SVEP1: variants seen among roughly 807,000 people sequenced by gnomAD.
SVEP1 encodes the protein sushi, von Willebrand factor type A, EGF and pentraxin domain containing 1, also known as sushi, von Willebrand factor type A, EGF and pentraxin domain-containing protein 1.
A neutral mutation model predicts 367.3 loss-of-function variants in SVEP1; 164 were observed. That is an observed-to-expected ratio of 0.45 (90% CI 0.39 to 0.51). The LOEUF is 0.51. Among genes scored for constraint, SVEP1 ranks in the 20% least tolerant of loss-of-function variants. SVEP1 has a pLI of 0.00. For missense variants in SVEP1, 4,117 were observed against 4,425.3 expected, an observed-to-expected ratio of 0.93 and a Z score of 1.98; for synonymous variants, 1,666 against 1,611.6, an observed-to-expected ratio of 1.03 and a Z score of -0.81.
At chr9:110,441,483 T>C (rs1471580631) in intron 27 of SVEP1, among the ~76,000 whole-genome samples, 1 of 152,254 alleles carries the variant, frequency 6.6e-6, no homozygotes, top group Non-Finnish European at 1.5e-5. Context: ...TCTACAGCTC[T>C]GTCCTTTGGG....
At chr9:110,543,534 A>G (rs1830179629) in intron 3 of SVEP1, among the ~76,000 whole-genome samples, 1 of 152,146 alleles carries the variant, frequency 6.6e-6, no homozygotes, top group South Asian at 2.1e-4. Flanking sequence ...AGACAAGGCT[A>G]CTTGGGTAAC....
intron 1 of SVEP1, among the ~76,000 whole-genome samples, chr9:110,578,640 G>A (rs370062249): frequency 4.6e-5 from 7 of 152,240 alleles, no homozygotes; most frequent in South Asian, 2.1e-4. Flanking sequence ...TTGGGGTTAG[G>A]TTTATATCAC....
intron 40 of SVEP1, among the ~76,000 whole-genome samples, 180 bp downstream of exon 40, chr9:110,400,674 C>A (rs1827844533): frequency 6.6e-6 from 1 of 152,118 alleles, no homozygotes; most frequent in Non-Finnish European, 1.5e-5. Context: ...GTTTATTTTA[C>A]TTTTTAAAAC....
chr9:110,484,307 C>T (rs945372689), intron 9 of SVEP1, among the ~76,000 whole-genome samples: 6 of 151,870 alleles, frequency 4.0e-5, no homozygotes, highest in Non-Finnish European at 5.9e-5. Flanking sequence ...AGTGGGAACC[C>T]GCAAGTGAGG....
intron 1 of SVEP1, among the ~76,000 whole-genome samples, chr9:110,574,323 A>G (rs1830600859): frequency 3.3e-5 from 5 of 152,226 alleles, no homozygotes; most frequent in Admixed American, 2.6e-4. Context: ...TCAAACAGAA[A>G]AGGTTTGAAA....
intron 16 of SVEP1, among the ~76,000 whole-genome samples, chr9:110,470,086 A>G (rs1211956632): frequency 6.6e-6 from 1 of 152,154 alleles, no homozygotes; most frequent in Non-Finnish European, 1.5e-5. Context: ...ACACAGTTCC[A>G]TTACAGGAGA....
At chr9:110,383,997 G>A (rs1827483025) in intron 43 of SVEP1, among the ~76,000 whole-genome samples, 1 of 152,150 alleles carries the variant, frequency 6.6e-6, no homozygotes, top group African/African-American at 2.4e-5. Context: ...TGCAGTGATG[G>A]TGGCCGCCTC....
At chr9:110,560,626 T>C (rs1392160640) in intron 1 of SVEP1, among the ~76,000 whole-genome samples, 1 of 152,180 alleles carries the variant, frequency 6.6e-6, no homozygotes, top group Non-Finnish European at 1.5e-5. Flanking sequence ...GAATGCACCA[T>C]GAGGCTCCTC....
intron 3 of SVEP1, among the ~76,000 whole-genome samples, chr9:110,516,131 TAATATACTAAAACTAA>T (rs1829799847): frequency 1.3e-5 from 2 of 149,880 alleles, no homozygotes; most frequent in African/African-American, 2.4e-5. Flanking sequence ...TAAATCATTA[TAATATACTAAAACTAA>T]AATATAATAT....
chr9:110,475,334 T>G (rs752220097), intron 14 of SVEP1, among the ~76,000 whole-genome samples: 24 of 152,146 alleles, frequency 1.6e-4, no homozygotes, highest in Non-Finnish European at 2.4e-4. Flanking sequence ...ATTCATTTGA[T>G]GCTTAAAATG....
chr9:110,455,638 T>A lies in SVEP1; in HGVS notation c.3739A>T (p.Lys1247Ter). 6.2e-7 allele frequency: 1 copy of A among 1,613,676 alleles called. No homozygotes were observed. Among genetic ancestry groups the A allele is most frequent in the Non-Finnish European group, 8.5e-7 (1 of 1,179,708 alleles). The change falls in exon 22 of 48, where the codon AAA becomes TAA. Residue 1247 changes from lysine to a stop codon, truncating the protein, a stop_gained. Transcript: ENST00000374469. LOFTEE classifies it high-confidence loss of function. ...PLPCLNNGVC[K>*]DLVGEFICEC... ...CAAATGAATTCCCCAACTAGGTCTT[T>A]ACAAACTCCATTGTTGAGGCAAGGC...
chr9:110,396,444 G>A (rs1045499544), intron 40 of SVEP1, among the ~76,000 whole-genome samples: 2 of 152,004 alleles, frequency 1.3e-5, no homozygotes, highest in African/African-American at 4.8e-5. Flanking sequence ...AAGAACTAGA[G>A]AAGCAAGAGC....
chr9:110,522,716 G>T (rs2118794893), intron 3 of SVEP1, among the ~76,000 whole-genome samples: 1 of 152,140 alleles, frequency 6.6e-6, no homozygotes, highest in Admixed American at 6.6e-5. Flanking sequence ...TTTCCCTTTG[G>T]GTCCTATAAA....
chr9:110,578,163 A>G (rs73657606), intron 1 of SVEP1, among the ~76,000 whole-genome samples: 29,947 of 152,186 alleles, frequency 0.2, 3,071 homozygotes, highest in East Asian at 0.28. Context: ...TAGTAAGGAA[A>G]AATCCTAAGT....
intron 43 of SVEP1, among the ~76,000 whole-genome samples, chr9:110,380,429 C>T (rs1354932439): frequency 1.3e-5 from 2 of 152,014 alleles, no homozygotes; most frequent in African/African-American, 2.4e-5. Context: ...AAAATTTTTT[C>T]CCCTCTAAGG....
At chr9:110,577,342 G>A (rs954084980) in intron 1 of SVEP1, among the ~76,000 whole-genome samples, 2 of 151,988 alleles carry the variant, frequency 1.3e-5, no homozygotes, top group African/African-American at 4.8e-5. Context: ...ATACCCATAA[G>A]CATTTAGCAC....
rs10817003 is a variant in SVEP1, at chr9:110,385,959, G to A, written c.10176C>T (p.Gly3392=). 0.04 allele frequency: 64,203 copies of A among 1,613,718 alleles called. 1,866 individuals carry two copies. Among genetic ancestry groups the A allele is most frequent in the African/African-American group, 0.15 (11,248 of 74,972 alleles). Residue 3392 remains glycine (G), a synonymous_variant, in exon 43 of 48, where the codon GGC becomes GGT. Transcript: ENST00000374469. ...CGGGGTTGCAGGTAATGATGCCGTGGCCCTGCAGCAGAAAACCTTCCCTAC... is the reference window on the plus strand; with the variant it reads ...CGGGGTTGCAGGTAATGATGCCGTGACCCTGCAGCAGAAAACCTTCCCTAC... ...IKCREGFLLQ[G]HGIITCNPDE... is the part of the protein sequence containing the mutation.
chr9:110,402,276 T>C (rs528849525), intron 39 of SVEP1, among the ~76,000 whole-genome samples: 2 of 152,320 alleles, frequency 1.3e-5, no homozygotes, highest in Admixed American at 1.3e-4. Context: ...TTTACATGAA[T>C]ACTACACTAA....
intron 47 of SVEP1, among the ~76,000 whole-genome samples, chr9:110,367,777 A>G (rs1466052310): frequency 3.9e-5 from 6 of 152,162 alleles, no homozygotes; most frequent in African/African-American, 1.4e-4. Flanking sequence ...CATGTAAAAA[A>G]TTCTGTAAGA....
Sources: gnomAD v4.1 joint callset for allele counts (sites outside exome capture counted in the v4.1 genomes callset) on GRCh38, gnomAD v4.1.1 for gene constraint, MANE v1.5 for transcripts, NCBI Gene and HGNC (gene_info 2026-07-23, HGNC 2026-07-21) for gene names.